The following CCDC141 variants were observed in gnomAD, a reference collection of about 807,000 sequenced individuals.
The protein encoded by CCDC141 is coiled-coil domain-containing protein 141.
Under a neutral mutation model 181.0 loss-of-function variants are expected in CCDC141, and 168 were observed. That is an observed-to-expected ratio of 0.93 (90% CI 0.82 to 1.05). The LOEUF (loss-of-function observed/expected upper bound fraction) is 1.05. Among genes scored for constraint, CCDC141 ranks in the 50% least tolerant of loss-of-function variants. CCDC141 has a pLI of 0.00. For synonymous variants in CCDC141, 666 were observed against 642.3 expected (o/e 1.04, Z -0.56); for missense variants, 1,902 against 1,788.5 (o/e 1.06, Z -1.14).
chr2:178,970,498 C>T (rs576426940), intron 4 of CCDC141, among the ~76,000 whole-genome samples: 18 of 152,288 alleles, frequency 1.2e-4, no homozygotes, highest in Non-Finnish European at 2.5e-4. Context: ...TTTGACAAAC[C>T]TGATACAAAC....
At chr2:178,867,336 T>C (rs1685898719) in intron 16 of CCDC141, among the ~76,000 whole-genome samples, 1 of 152,220 alleles carries the variant, frequency 6.6e-6, no homozygotes, top group Non-Finnish European at 1.5e-5. Flanking sequence ...TTTAAAATTG[T>C]CTAGTAGTCA....
At position 178,885,216 on chromosome 2, in the gene CCDC141, A is replaced by C. The variant is rs149347258; in HGVS notation, c.1528-124T>G. ...TGAACTTATACCAAGAATCTCCTCA[A>C]TAAAGAAAGACACAACTTCCAAAAT... On this transcript the variant is annotated intron_variant, in intron 10 of 23. Coordinates refer to ENST00000443758, the MANE Select transcript of CCDC141 (RefSeq NM_173648.4). 1.8e-3 allele frequency: 971 copies of C among 544,478 alleles called. 2 individuals carry two copies. Among genetic ancestry groups the C allele is most frequent in the Admixed American group, 2.7e-3 (78 of 28,810 alleles). The allele number at this position is 544,478 out of a possible 1,614,324, so 33.7% of individuals were successfully genotyped here.
chr2:178,825,030 C>G (rs1684100212), downstream of CCDC141, among the ~76,000 whole-genome samples: 2 of 152,004 alleles, frequency 1.3e-5, no homozygotes, highest in South Asian at 4.2e-4. Context: ...AAATTACTCT[C>G]AAGAAAATGT....
chr2:178,975,865 C>A (rs1287856348), intron 3 of CCDC141, among the ~76,000 whole-genome samples: 1 of 152,010 alleles, frequency 6.6e-6, no homozygotes, highest in African/African-American at 2.4e-5. Flanking sequence ...ATTTGTAATT[C>A]TGTTTGCATT....
chr2:178,967,390 T>C (rs1364087285), intron 4 of CCDC141, among the ~76,000 whole-genome samples: 1 of 152,114 alleles, frequency 6.6e-6, no homozygotes. Flanking sequence ...ACAGCGGATC[T>C]CTCTGCAGAA....
At chr2:178,953,980 C>T (rs961072076) in intron 5 of CCDC141, among the ~76,000 whole-genome samples, 4 of 152,154 alleles carry the variant, frequency 2.6e-5, no homozygotes, top group Middle Eastern at 6.3e-3. Context: ...TTATGATACA[C>T]ATTTCACTCA....
chr2:178,925,515 C>A (rs901003301), intron 6 of CCDC141, among the ~76,000 whole-genome samples: 5 of 152,202 alleles, frequency 3.3e-5, no homozygotes, highest in African/African-American at 1.2e-4. Context: ...AGCACAAATG[C>A]ATTTCTTCTT....
At chr2:178,848,494 G>A (rs925925819) in intron 21 of CCDC141, among the ~76,000 whole-genome samples, 1 of 152,208 alleles carries the variant, frequency 6.6e-6, no homozygotes, top group Non-Finnish European at 1.5e-5. Flanking sequence ...GCGTGAGAAA[G>A]AGAGAATGCA....
At chr2:178,951,531 T>G (rs376214573) in intron 5 of CCDC141, among the ~76,000 whole-genome samples, 7 of 152,360 alleles carry the variant, frequency 4.6e-5, no homozygotes, top group African/African-American at 1.7e-4. Context: ...TGCCATTGAT[T>G]GTTTGTTTAA....
chr2:178,841,207 T>C (rs1050162773), intron 22 of CCDC141, among the ~76,000 whole-genome samples: 22 of 152,324 alleles, frequency 1.4e-4, no homozygotes, highest in Admixed American at 3.9e-4. Flanking sequence ...ACAAGACAGA[T>C]TGTCTCCAAA....
At chr2:179,021,489 T>C (rs1037765426) in intron 2 of CCDC141, among the ~76,000 whole-genome samples, 14 of 152,110 alleles carry the variant, frequency 9.2e-5, no homozygotes, top group Non-Finnish European at 1.8e-4. Context: ...CTGTCCCGAG[T>C]GGAAATCACC....
intron 8 of CCDC141, among the ~76,000 whole-genome samples, chr2:178,898,817 GA>G (rs1452999324): frequency 6.6e-6 from 1 of 151,530 alleles, no homozygotes; most frequent in East Asian, 1.9e-4. Flanking sequence ...TTGACTAACA[GA>G]AAAAAAATCA....
intron 1 of CCDC141, among the ~76,000 whole-genome samples, chr2:179,047,965 C>T (rs1050358381): frequency 4.6e-5 from 7 of 152,144 alleles, no homozygotes; most frequent in African/African-American, 1.7e-4. Context: ...TGTTTTCCAA[C>T]CTTAGTTGTT....
chr2:178,918,589 G>T, intron 7 of CCDC141, 124 bp downstream of exon 7: 2 of 666,222 alleles, frequency 3.0e-6, no homozygotes, highest in Non-Finnish European at 4.9e-6. Context: ...TCTCTTTGCT[G>T]CTATCAGTTT....
At chr2:178,872,922 C>G (rs1277601310) in intron 12 of CCDC141, 1 of 152,130 alleles carries the variant, frequency 6.6e-6, no homozygotes, top group Non-Finnish European at 1.5e-5. Context: ...CACTTCCCAA[C>G]TTTCAGATGT....
intron 5 of CCDC141, among the ~76,000 whole-genome samples, chr2:178,949,614 G>A (rs1689868321): frequency 6.6e-6 from 1 of 152,174 alleles, no homozygotes; most frequent in Non-Finnish European, 1.5e-5. Context: ...TATGGTTATA[G>A]AATCCAATTT....
At chr2:178,882,765 A>G (rs748696620) in intron 11 of CCDC141, among the ~76,000 whole-genome samples, 1 of 152,150 alleles carries the variant, frequency 6.6e-6, no homozygotes, top group South Asian at 2.1e-4. Flanking sequence ...ATGATTTTCC[A>G]CTGGAGCGTC....
At chr2:179,017,529 G>A (rs924315821) in intron 2 of CCDC141, among the ~76,000 whole-genome samples, 2 of 151,912 alleles carry the variant, frequency 1.3e-5, no homozygotes, top group Non-Finnish European at 2.9e-5. Flanking sequence ...CTCTCTTCTT[G>A]TTGGTGCCAT....
intron 2 of CCDC141, among the ~76,000 whole-genome samples, chr2:178,996,894 T>A (rs2154382952): frequency 6.6e-6 from 1 of 152,318 alleles, no homozygotes; most frequent in East Asian, 1.9e-4. Flanking sequence ...TCCTTGGAAT[T>A]TTAGATCGCT....
Sources: allele counts gnomAD v4.1 joint callset (sites outside exome capture counted in the v4.1 genomes callset), GRCh38; gene constraint gnomAD v4.1.1; transcripts MANE v1.5; gene names NCBI Gene and HGNC (gene_info 2026-07-23, HGNC 2026-07-21).